Variants in CLYBL observed in about 807,000 individuals in gnomAD.
CLYBL encodes the protein citramalyl-CoA lyase.
A neutral mutation model predicts 38.9 loss-of-function variants in CLYBL; 31 were observed. That is an observed-to-expected ratio of 0.80 (90% CI 0.60 to 1.08). The LOEUF (loss-of-function observed/expected upper bound fraction) is 1.08, where lower values mean the gene tolerates loss of function less well. CLYBL is among the 50% of genes least tolerant of loss of function. The pLI is 0.00. For synonymous variants in CLYBL, 171 were observed against 158.6 expected (o/e 1.08, Z -0.59); for missense variants, 434 against 411.6 (o/e 1.05, Z -0.47).
In CLYBL at chr13:99,864,822, T is replaced by C. The variant is rs1223739659; in HGVS notation, c.545T>C (p.Val182Ala). 3.1e-6 allele frequency: 5 copies of C among 1,611,702 alleles called. No homozygotes were observed. In the African/African-American group the frequency reaches 6.7e-5, roughly 22 times the overall value. Residue 182 changes from valine (V) to alanine (A), a missense_variant, in exon 5 of 9, where the codon GTG (valine) becomes GCG (alanine). Transcript: ENST00000339105. ...TTCTGTTCTGCTCTTTTACAGGCAG[T>C]GTGTGAAGAAACCCTGAAGGTCGGG... ...TAMGLLNFKA[V>A]CEETLKVGPQ...
At chr13:99,742,183 G>A (rs534001636) in intron 1 of CLYBL, among the ~76,000 whole-genome samples, 1 of 152,164 alleles carries the variant, frequency 6.6e-6, no homozygotes, top group Admixed American at 6.5e-5. Context: ...GGTTCCGGGA[G>A]CCCTTTCACT....
chr13:99,784,654 A>G lies in CLYBL; in HGVS notation c.249+11644A>G, dbSNP rs563775332. ...ATTTTTAGTAGAGACAGGTTTCACCATGTTGGCCAGGCTGGTCTTAAATTC... is the reference window on the plus strand; with the variant it reads ...ATTTTTAGTAGAGACAGGTTTCACCGTGTTGGCCAGGCTGGTCTTAAATTC... On this transcript the variant is annotated intron_variant, in intron 2 of 8. Coordinates refer to ENST00000339105, the MANE Select transcript of CLYBL (RefSeq NM_206808.5). 4.6e-5 allele frequency among the ~76,000 whole-genome samples: 7 copies of G among 151,946 alleles called. 1 individual carries two copies. Among genetic ancestry groups the G allele is most frequent in the South Asian group, 4.2e-4 (2 of 4,796 alleles).
intron 2 of CLYBL, among the ~76,000 whole-genome samples, chr13:99,776,347 T>TCAGC (rs1212282272): frequency 1.3e-5 from 2 of 150,426 alleles, no homozygotes; most frequent in African/African-American, 4.9e-5. Flanking sequence ...ATACAAAAAA[T>TCAGC]CAGCCAGGAG....
At chr13:99,690,018 C>T (rs2047876300) in intron 1 of CLYBL, 1 of 152,232 alleles carries the variant, frequency 6.6e-6, no homozygotes, top group Admixed American at 6.5e-5. Context: ...ATGCCATTTG[C>T]AAGCTCTGTG....
chr13:99,700,427 A>G (rs2048047750), intron 1 of CLYBL, among the ~76,000 whole-genome samples: 1 of 152,182 alleles, frequency 6.6e-6, no homozygotes, highest in Non-Finnish European at 1.5e-5. Context: ...CTGGGCAACA[A>G]GAGAAAAACT....
chr13:99,662,891 C>T lies in CLYBL; in HGVS notation c.62+56134C>T, dbSNP rs1283299669. On this transcript the variant is annotated intron_variant, in intron 1 of 8. Coordinates refer to ENST00000339105, the MANE Select transcript of CLYBL (RefSeq NM_206808.5). ...TTGTTGCTTATATTTACTTTGCAAC[C>T]GGCCACTGTTCAAGGACTTCAGACA... 4.6e-5 allele frequency among the ~76,000 whole-genome samples: 7 copies of T among 152,090 alleles called. No individual in the cohort carries two copies. In the South Asian group the frequency reaches 1.0e-3, roughly 23 times the overall value.
intron 2 of CLYBL, among the ~76,000 whole-genome samples, chr13:99,792,217 C>A (rs1752143892): frequency 6.6e-6 from 1 of 152,218 alleles, no homozygotes; most frequent in Non-Finnish European, 1.5e-5. Flanking sequence ...GAGAAGGCAG[C>A]ACCATCTGGC....
chr13:99,854,876 C>T (rs1479973519), intron 2 of CLYBL, among the ~76,000 whole-genome samples: 11 of 152,220 alleles, frequency 7.2e-5, no homozygotes, highest in East Asian at 1.9e-4. Flanking sequence ...TCACCTAATA[C>T]GGTGGCTTAT....
intron 7 of CLYBL, among the ~76,000 whole-genome samples, chr13:99,875,947 C>G (rs1342229951): frequency 6.6e-6 from 1 of 152,024 alleles, no homozygotes; most frequent in East Asian, 1.9e-4. Context: ...CTTAGAAAAT[C>G]TGAGTCTGCC....
intron 6 of CLYBL, among the ~76,000 whole-genome samples, chr13:99,867,696 G>A (rs1295316915): frequency 6.6e-6 from 1 of 152,074 alleles, no homozygotes; most frequent in Non-Finnish European, 1.5e-5. Context: ...TGGAAAAGTT[G>A]GAGAAAAACT....
At chr13:99,793,182 A>G (rs2049955058) in intron 2 of CLYBL, among the ~76,000 whole-genome samples, 1 of 152,170 alleles carries the variant, frequency 6.6e-6, no homozygotes, top group African/African-American at 2.4e-5. Flanking sequence ...GTTGAAATAA[A>G]TTAGTGGAGT....
intron 2 of CLYBL, among the ~76,000 whole-genome samples, chr13:99,784,449 C>CTTTTTT (rs772465561): frequency 3.3e-4 from 17 of 52,106 alleles, no homozygotes; most frequent in Non-Finnish European, 6.1e-4. Flanking sequence ...AAAATTCTCT[C>CTTTTTT]TTTTTTTTTT....
At chr13:99,761,707 G>T (rs979130955) in intron 1 of CLYBL, among the ~76,000 whole-genome samples, 1 of 152,156 alleles carries the variant, frequency 6.6e-6, no homozygotes, top group Non-Finnish European at 1.5e-5. Flanking sequence ...CTGGATCACA[G>T]CACAGTTCTC....
rs528858479 is a variant in CLYBL at position 99,623,520 on chromosome 13, TCTC to T, written c.62+16766_62+16768del. Among the ~76,000 whole-genome samples the T allele has an allele frequency of 5.3e-3, 812 of 152,272 alleles. 3 individuals carry two copies. Among genetic ancestry groups the T allele is most frequent in the African/African-American group, 0.019 (783 of 41,556 alleles). The stretch of plus-strand genomic sequence containing the variant: ...TCCACTTACCGAGCATCATTGGCCT[TCTC>T]CTGTTCCCTCAAGCAGGGAAGGCAA... On this transcript the variant is annotated intron_variant, in intron 1 of 8. Coordinates refer to ENST00000339105, the MANE Select transcript of CLYBL (RefSeq NM_206808.5).
intron 2 of CLYBL, among the ~76,000 whole-genome samples, chr13:99,799,555 C>T (rs1272778560): frequency 6.6e-6 from 1 of 152,116 alleles, no homozygotes; most frequent in Non-Finnish European, 1.5e-5. Context: ...ATCACATGGG[C>T]ATCAATCACT....
intron 1 of CLYBL, among the ~76,000 whole-genome samples, chr13:99,720,466 C>T (rs1209884131): frequency 6.6e-6 from 1 of 152,126 alleles, no homozygotes; most frequent in Non-Finnish European, 1.5e-5. Flanking sequence ...ACTCTCTGCT[C>T]ACCATCGCTC....
intron 1 of CLYBL, among the ~76,000 whole-genome samples, chr13:99,659,216 G>GTATA (rs57354711): frequency 1.3e-5 from 2 of 148,710 alleles, no homozygotes; most frequent in African/African-American, 2.6e-5. Context: ...GTGTGTGTGT[G>GTATA]TATATATATA....
intron 2 of CLYBL, among the ~76,000 whole-genome samples, chr13:99,779,420 G>A (rs1449263649): frequency 2.0e-5 from 3 of 152,120 alleles, no homozygotes; most frequent in African/African-American, 7.2e-5. Flanking sequence ...GATTACAGGC[G>A]CGAGCCACCG....
intron 7 of CLYBL, among the ~76,000 whole-genome samples, chr13:99,885,303 A>G (rs1053546088): frequency 5.9e-5 from 9 of 152,184 alleles, no homozygotes; most frequent in Non-Finnish European, 4.4e-5. Context: ...AAGCATCAGG[A>G]GGAGTTTGCC....
Sources: gnomAD v4.1 joint callset for allele counts (sites outside exome capture counted in the v4.1 genomes callset) on GRCh38, gnomAD v4.1.1 for gene constraint, MANE v1.5 for transcripts, NCBI Gene and HGNC (gene_info 2026-07-23, HGNC 2026-07-21) for gene names.